SNX8: variants seen among roughly 807,000 people sequenced by gnomAD.
SNX8 encodes the protein sorting nexin 8, also known as sorting nexin-8.
A neutral mutation model predicts 51.6 loss-of-function variants in SNX8; 25 were observed. That is an observed-to-expected ratio of 0.48 (90% CI 0.35 to 0.68). The LOEUF is 0.68. Among genes scored for constraint, SNX8 ranks in the 30% least tolerant of loss-of-function variants. The pLI is 0.00. For synonymous variants in SNX8, 324 were observed against 277.0 expected, an observed-to-expected ratio of 1.17 and a Z score of -1.68; for missense variants, 695 against 624.0, an observed-to-expected ratio of 1.11 and a Z score of -1.21.
At chr7:2,328,466 A>G (rs567035207) in intron 1 of SNX8, among the ~76,000 whole-genome samples, 1 of 152,316 alleles carries the variant, frequency 6.6e-6, no homozygotes, top group Non-Finnish European at 1.5e-5. Flanking sequence ...TGTTGGGATC[A>G]CAGGCATGAG....
intron 7 of SNX8, among the ~76,000 whole-genome samples, 163 bp downstream of exon 7, chr7:2,263,067 C>A (rs1399257161): frequency 2.6e-5 from 4 of 152,226 alleles, no homozygotes; most frequent in Non-Finnish European, 4.4e-5. Context: ...TGCAGCGAGC[C>A]GAGATTGCGC....
chr7:2,349,755 C>T (rs1205844275), intron 1 of SNX8, among the ~76,000 whole-genome samples: 1 of 152,086 alleles, frequency 6.6e-6, no homozygotes, highest in African/African-American at 2.4e-5. Context: ...TTTCTTAAGA[C>T]AAGGTCTCAC....
intron 7 of SNX8, among the ~76,000 whole-genome samples, chr7:2,262,840 G>A (rs1168227146): frequency 1.3e-5 from 2 of 152,184 alleles, no homozygotes; most frequent in Non-Finnish European, 2.9e-5. Flanking sequence ...GAAGCCGGCC[G>A]GGCACAGTGG....
intron 5 of SNX8, 31 bp from the exon 6 acceptor site, chr7:2,264,489 G>C: frequency 6.3e-7 from 1 of 1,591,784 alleles, no homozygotes; most frequent in South Asian, 1.1e-5. Flanking sequence ...GAGACACTGT[G>C]TTAGTCGCTG....
At chr7:2,336,004 G>C (rs1185682309) in intron 1 of SNX8, among the ~76,000 whole-genome samples, 3 of 151,614 alleles carry the variant, frequency 2.0e-5, no homozygotes, top group Non-Finnish European at 4.4e-5. Flanking sequence ...TTGAGAGGCT[G>C]AGACAGGAGA....
chr7:2,313,530 A>G (rs76722083), intron 1 of SNX8, among the ~76,000 whole-genome samples: 38,804 of 150,256 alleles, frequency 0.26, 5,191 homozygotes, highest in Middle Eastern at 0.46. Flanking sequence ...TCTCAAAAAA[A>G]AAAAAAAAAG....
intron 1 of SNX8, among the ~76,000 whole-genome samples, chr7:2,313,523 CA>C (rs371626274): frequency 0.4 from 43,403 of 108,066 alleles, 6,673 homozygotes; most frequent in Middle Eastern, 0.56. Flanking sequence ...GAATCTGTCT[CA>C]AAAAAAAAAA....
intron 5 of SNX8, among the ~76,000 whole-genome samples, chr7:2,268,968 G>T (rs774291462): frequency 9.8e-6 from 1 of 101,584 alleles, no homozygotes; most frequent in Non-Finnish European, 2.2e-5. Context: ...GCCTCTGCCC[G>T]GCCACCCCTA....
intron 1 of SNX8, among the ~76,000 whole-genome samples, chr7:2,327,620 G>T (rs1258709693): frequency 6.6e-6 from 1 of 151,786 alleles, no homozygotes; most frequent in African/African-American, 2.4e-5. Flanking sequence ...TGTTAGCCAG[G>T]ATGGTCTCGA....
intron 1 of SNX8, among the ~76,000 whole-genome samples, chr7:2,306,340 C>T (rs897143581): frequency 6.6e-6 from 1 of 151,754 alleles, no homozygotes; most frequent in Non-Finnish European, 1.5e-5. Context: ...CCATGTTGGC[C>T]AGGCTGTAAT....
At chr7:2,267,724 C>T (rs1183481698) in intron 5 of SNX8, among the ~76,000 whole-genome samples, 1 of 148,524 alleles carries the variant, frequency 6.7e-6, no homozygotes, top group Non-Finnish European at 1.5e-5. Flanking sequence ...AGCCTCTGCC[C>T]GGCCGCCACC....
intron 2 of SNX8, among the ~76,000 whole-genome samples, chr7:2,276,714 G>T (rs1057084330): frequency 6.6e-6 from 1 of 152,022 alleles, no homozygotes; most frequent in African/African-American, 2.4e-5. Context: ...GGAAACCAAG[G>T]CAGGAGGACC....
intron 1 of SNX8, among the ~76,000 whole-genome samples, chr7:2,289,589 A>C (rs1221180338): frequency 6.6e-6 from 1 of 151,382 alleles, no homozygotes; most frequent in Admixed American, 6.6e-5. Context: ...CCATATTCCC[A>C]ATCCTCAGAG....
At chr7:2,352,993 TTTAAACACCGTTAGGA>T (rs1473453056) in intron 1 of SNX8, among the ~76,000 whole-genome samples, 1 of 152,070 alleles carries the variant, frequency 6.6e-6, no homozygotes, top group Non-Finnish European at 1.5e-5. Context: ...TTTTCGCTCT[TTTAAACACCGTTAGGA>T]TGGGATGGGT....
chr7:2,295,386 G>C (rs527879938), intron 1 of SNX8, among the ~76,000 whole-genome samples: 2 of 137,896 alleles, frequency 1.5e-5, no homozygotes, highest in South Asian at 4.7e-4. Flanking sequence ...CCGGGTAACA[G>C]AGGGATACTC....
In SNX8 at chr7:2,269,627, T is replaced by G. The variant is rs537331798; in HGVS notation, c.553A>C (p.Lys185Gln). 6 of 1,597,712 alleles carry G rather than the reference T, an allele frequency of 3.8e-6. No homozygotes were observed. The highest frequency in any genetic ancestry group is 5.1e-6 in the Non-Finnish European group (6 of 1,172,364). The change falls in exon 5 of 11, where the codon AAG becomes CAG. Residue 185 changes from lysine (K) to glutamine (Q), a missense_variant. Coordinates refer to ENST00000222990, the MANE Select transcript of SNX8 (RefSeq NM_013321.4). Reference protein sequence around the residue: ...LSFSGSDVQNKLKESAQCVGD... With the variant: ...LSFSGSDVQNQLKESAQCVGD... ...ACGCACTGTGCTGACTCCTTTAACT[T>G]GTTCTGCACATCCTGCAAAAGGAAA... is the stretch of plus-strand genomic sequence containing the variant.
intron 1 of SNX8, among the ~76,000 whole-genome samples, chr7:2,286,664 G>A (rs771115563): frequency 1.3e-5 from 2 of 150,936 alleles, no homozygotes; most frequent in Non-Finnish European, 2.9e-5. Flanking sequence ...GACTACAGGC[G>A]CCCACCACCA....
At chr7:2,268,049 CGTCCGGG>C (rs1795521869) in intron 5 of SNX8, among the ~76,000 whole-genome samples, 1 of 141,304 alleles carries the variant, frequency 7.1e-6, no homozygotes, top group African/African-American at 2.7e-5. Flanking sequence ...CCAGCCACCC[CGTCCGGG>C]AGGGAGATGG....
At chr7:2,353,761 A>G (rs1181976817) in intron 1 of SNX8, among the ~76,000 whole-genome samples, 1 of 151,932 alleles carries the variant, frequency 6.6e-6, no homozygotes, top group African/African-American at 2.4e-5. Flanking sequence ...TTATTTATTT[A>G]TTTAATTTTC....
Sources: allele counts gnomAD v4.1 joint callset (sites outside exome capture counted in the v4.1 genomes callset), GRCh38; gene constraint gnomAD v4.1.1; transcripts MANE v1.5; gene names NCBI Gene and HGNC (gene_info 2026-07-23, HGNC 2026-07-21).